The following ZFHX4 variants were observed in gnomAD, a reference collection of about 807,000 sequenced individuals.
ZFHX4 encodes the protein zinc finger homeobox protein 4.
ZFHX4 carries 56 observed loss-of-function variants against 267.6 expected under a neutral mutation model. The observed-to-expected ratio is 0.21, with a 90% CI of 0.17 to 0.26. ZFHX4 has a LOEUF of 0.26. Ranked by LOEUF, ZFHX4 falls within the 10% of genes least tolerant of loss-of-function variation. ZFHX4 has a pLI of 1.00. For missense variants in ZFHX4, 4,332 were observed against 4,420.0 expected (o/e 0.98, Z 0.56); for synonymous variants, 1,778 against 1,665.6 (o/e 1.07, Z -1.64).
chr8:76,790,108 A>C (rs1810795311), intron 4 of ZFHX4, among the ~76,000 whole-genome samples: 1 of 152,078 alleles, frequency 6.6e-6, no homozygotes, highest in Admixed American at 6.6e-5. Context: ...TGTACATCTG[A>C]ATGTGGTTTT....
At chr8:76,837,893 AC>A (rs1446694754) in intron 5 of ZFHX4, among the ~76,000 whole-genome samples, 1 of 152,218 alleles carries the variant, frequency 6.6e-6, no homozygotes, top group African/African-American at 2.4e-5. Flanking sequence ...AGAGAAAAAA[AC>A]AATAGTACTC....
chr8:76,727,297 G>A (rs982081350), intron 3 of ZFHX4, among the ~76,000 whole-genome samples: 2 of 151,876 alleles, frequency 1.3e-5, no homozygotes, highest in South Asian at 4.2e-4. Flanking sequence ...TTCTTCCATC[G>A]TTTTCAACAC....
intron 3 of ZFHX4, among the ~76,000 whole-genome samples, chr8:76,741,577 A>T (rs1022517117): frequency 6.6e-6 from 1 of 152,184 alleles, no homozygotes; most frequent in Admixed American, 6.6e-5. Context: ...AAGACTCAGA[A>T]GTCATCAATG....
chr8:76,787,960 T>C (rs982525996), intron 4 of ZFHX4, among the ~76,000 whole-genome samples: 4 of 152,170 alleles, frequency 2.6e-5, no homozygotes, highest in African/African-American at 9.7e-5. Context: ...TTAAGTACTT[T>C]ACACATCCAA....
intron 3 of ZFHX4, among the ~76,000 whole-genome samples, chr8:76,723,133 T>C (rs1451377470): frequency 6.6e-6 from 1 of 152,102 alleles, no homozygotes; most frequent in Admixed American, 6.6e-5. Flanking sequence ...ATACCAGTTT[T>C]CAAGTCAGCC....
intron 3 of ZFHX4, among the ~76,000 whole-genome samples, chr8:76,718,193 CA>C (rs547721197): frequency 2.9e-4 from 44 of 152,104 alleles, no homozygotes; most frequent in African/African-American, 1.0e-3. Context: ...ATTTTTAAAC[CA>C]AATAGTGTTT....
intron 1 of ZFHX4, among the ~76,000 whole-genome samples, chr8:76,686,010 C>T (rs1257057332): frequency 6.6e-6 from 1 of 152,100 alleles, no homozygotes; most frequent in Non-Finnish European, 1.5e-5. Context: ...GAATACAGAG[C>T]AGAAATTTGG....
At chr8:76,692,329 A>G (rs572008422) in intron 1 of ZFHX4, among the ~76,000 whole-genome samples, 1 of 152,242 alleles carries the variant, frequency 6.6e-6, no homozygotes, top group Admixed American at 6.5e-5. Flanking sequence ...GGATTTTCCA[A>G]AACTGGATTA....
At chr8:76,685,877 G>A (rs948198658) in intron 1 of ZFHX4, among the ~76,000 whole-genome samples, 11 of 152,214 alleles carry the variant, frequency 7.2e-5, no homozygotes, top group Non-Finnish European at 1.6e-4. Context: ...GCTGATCTAT[G>A]TTAAATGAGG....
At chr8:76,728,172 T>G (rs1808905099) in intron 3 of ZFHX4, among the ~76,000 whole-genome samples, 1 of 152,230 alleles carries the variant, frequency 6.6e-6, no homozygotes, top group Admixed American at 6.5e-5. Flanking sequence ...TATATCTGTC[T>G]CAAGAATTAT....
chr8:76,864,748 T>C lies in ZFHX4; in HGVS notation c.*183T>C. 2.2e-6 allele frequency: 1 copy of C among 448,508 alleles called. No individual in the cohort carries two copies. Among genetic ancestry groups the C allele is most frequent in the Non-Finnish European group, 4.0e-6 (1 of 252,526 alleles). 27.8% of individuals were successfully genotyped at this position (448,508 alleles called of 1,614,324 possible). A position where few individuals can be genotyped will look rare whatever the true frequency, so the allele number is the denominator to read the frequency against. ...TAGGATGGTATGTAATGGACAGAAC[T>C]GATGCAGATGGTTGAATGCGCTTGT... On this transcript the variant is annotated 3_prime_UTR_variant, in exon 11 of 11. Transcript: ENST00000651372.
chr8:76,790,594 G>T (rs1044918042), intron 4 of ZFHX4, among the ~76,000 whole-genome samples: 5 of 152,018 alleles, frequency 3.3e-5, no homozygotes, highest in Admixed American at 2.0e-4. Context: ...TGATTAAAAG[G>T]TTTAAAACTA....
chr8:76,823,207 A>T (rs1311003082), intron 4 of ZFHX4, among the ~76,000 whole-genome samples: 1 of 151,198 alleles, frequency 6.6e-6, no homozygotes, highest in Non-Finnish European at 1.5e-5. Context: ...AGAAGAAAAT[A>T]TGATCATGGC....
intron 3 of ZFHX4, among the ~76,000 whole-genome samples, chr8:76,743,133 G>T (rs985311119): frequency 1.3e-4 from 20 of 152,318 alleles, no homozygotes; most frequent in Admixed American, 1.0e-3. Context: ...AGAATGTAAA[G>T]GAAGTTGAAA....
At chr8:76,755,244 T>A (rs2131717151) in intron 3 of ZFHX4, among the ~76,000 whole-genome samples, 1 of 152,278 alleles carries the variant, frequency 6.6e-6, no homozygotes, top group African/African-American at 2.4e-5. Flanking sequence ...AGCCCGTTGT[T>A]ATATATGGTG....
intron 4 of ZFHX4, among the ~76,000 whole-genome samples, chr8:76,816,703 C>T (rs1225611645): frequency 1.4e-5 from 2 of 147,028 alleles, no homozygotes; most frequent in East Asian, 4.1e-4. Flanking sequence ...TCAAGCAATT[C>T]TCCTGCCTCA....
intron 9 of ZFHX4, 135 bp from the exon 10 acceptor site, chr8:76,850,751 T>C: frequency 9.3e-7 from 1 of 1,080,004 alleles, no homozygotes; most frequent in African/African-American, 1.6e-5. Context: ...TGCCACATAG[T>C]AGTTGCTCAG....
chr8:76,791,736 C>A (rs1357969754), intron 4 of ZFHX4, among the ~76,000 whole-genome samples: 3 of 152,060 alleles, frequency 2.0e-5, no homozygotes, highest in African/African-American at 4.8e-5. Context: ...ATGTCTTCAT[C>A]TGTAAAGTGA....
chr8:76,861,501 T>G (rs1812865795), intron 10 of ZFHX4, among the ~76,000 whole-genome samples: 1 of 152,066 alleles, frequency 6.6e-6, no homozygotes, highest in African/African-American at 2.4e-5. Context: ...ACTGTAGAAG[T>G]TATATCAAAG....
Sources: allele counts gnomAD v4.1 joint callset (sites outside exome capture counted in the v4.1 genomes callset), GRCh38; gene constraint gnomAD v4.1.1; transcripts MANE v1.5; gene names NCBI Gene and HGNC (gene_info 2026-07-23, HGNC 2026-07-21).